The following C10orf71 variants were observed in gnomAD, a reference collection of about 807,000 sequenced individuals.
C10orf71 encodes the protein cardiac-enriched FHL2-interacting protein.
For missense variants in C10orf71, 1,869 were observed against 1,804.5 expected (o/e 1.04, Z -0.65); for synonymous variants, 758 against 726.3 (o/e 1.04, Z -0.70).
intron 1 of C10orf71, among the ~76,000 whole-genome samples, chr10:49,309,938 A>C (rs56377743): frequency 0.047 from 7,110 of 152,302 alleles, 509 homozygotes; most frequent in African/African-American, 0.15. Flanking sequence ...TTCTCTAAGA[A>C]GTGAAAGCAC....
At chr10:49,304,028 C>T (rs1848771638) in intron 1 of C10orf71, among the ~76,000 whole-genome samples, 1 of 152,228 alleles carries the variant, frequency 6.6e-6, no homozygotes, top group Admixed American at 6.5e-5. Context: ...AGGTCCCCTT[C>T]TCCTTATCCC....
chr10:49,301,100 A>C (rs1848721453), intron 1 of C10orf71, among the ~76,000 whole-genome samples: 1 of 152,120 alleles, frequency 6.6e-6, no homozygotes, highest in South Asian at 2.1e-4. Flanking sequence ...TCTCTGCCAG[A>C]AATCTCAAGA....
upstream of C10orf71, among the ~76,000 whole-genome samples, chr10:49,297,955 T>G (rs762373314): frequency 6.6e-6 from 1 of 152,154 alleles, no homozygotes; most frequent in Non-Finnish European, 1.5e-5. Flanking sequence ...AAAAGGCAAG[T>G]CTTGAGGCTC....
chr10:49,323,887 A>T lies in C10orf71; in HGVS notation c.1342A>T (p.Thr448Ser), dbSNP rs779015254. 7 of 1,612,616 alleles carry T rather than the reference A, an allele frequency of 4.3e-6. No homozygotes were observed. The Admixed American group carries it at 5.0e-5, about 12-fold the overall frequency. Reference protein sequence around the residue: ...DPPFNISKLLTPIIPSKHALD... With the variant: ...DPPFNISKLLSPIIPSKHALD... The stretch of plus-strand genomic sequence containing the variant: ...CCCCTTTAACATCAGTAAGCTCCTG[A>T]CCCCCATCATACCCAGCAAGCACGC... The change falls in exon 3 of 3, where the codon ACC becomes TCC. Residue 448 changes from threonine to serine, a missense_variant. Coordinates refer to ENST00000374144, the MANE Select transcript of C10orf71 (RefSeq NM_001135196.2).
chr10:49,325,787 A>G lies in C10orf71; in HGVS notation c.3242A>G (p.Gln1081Arg), dbSNP rs1402708889. The change falls in exon 3 of 3, where the codon CAG becomes CGG. Residue 1081 changes from glutamine to arginine, a missense_variant. Gln to Arg is a conservative substitution (Grantham distance 43, BLOSUM62 1). Transcript: ENST00000374144. The part of the protein sequence containing the change: ...AASNIWEESS[Q>R]APGGPELLPE... ...AGCAACATTTGGGAGGAGTCTTCCC[A>G]GGCCCCTGGAGGACCAGAGCTGCTT... The G allele has an allele frequency of 2.6e-6, 4 of 1,551,456 alleles. No individual in the cohort carries two copies. Among genetic ancestry groups the G allele is most frequent in the Non-Finnish European group, 3.5e-6 (4 of 1,146,890 alleles).
At position 49,325,378 on chromosome 10, in the gene C10orf71, G is replaced by A. The variant is rs1361972233; in HGVS notation, c.2833G>A (p.Ala945Thr). 2 of 1,551,566 alleles carry A rather than the reference G, an allele frequency of 1.3e-6. No individual in the cohort carries two copies. Among genetic ancestry groups the A allele is most frequent in the South Asian group, 2.4e-5 (2 of 84,064 alleles). ...MEDPGQGSSM[A>T]RMEASQPAPK... The stretch of plus-strand genomic sequence containing the variant: ...GGACCCTGGGCAGGGGTCGAGCATG[G>A]CCAGGATGGAGGCCTCTCAGCCAGC... Residue 945 changes from alanine to threonine, a missense_variant, in exon 3 of 3, where the codon GCC becomes ACC. Ala to Thr is a moderately conservative substitution (Grantham distance 58). Transcript: ENST00000374144.
intron 1 of C10orf71, among the ~76,000 whole-genome samples, chr10:49,314,511 A>T (rs759174363): frequency 8.3e-4 from 126 of 152,218 alleles, no homozygotes; most frequent in Admixed American, 1.6e-3. Flanking sequence ...TTTCACTGGC[A>T]TCTGGAAAAT....
At chr10:49,321,335 TTG>T (rs1233652454) in intron 2 of C10orf71, among the ~76,000 whole-genome samples, 1 of 152,202 alleles carries the variant, frequency 6.6e-6, no homozygotes, top group Non-Finnish European at 1.5e-5. Context: ...TGCGACTGGG[TTG>T]TTTCTCTTAA....
At chr10:49,318,590 C>T (rs1277641776) in intron 2 of C10orf71, among the ~76,000 whole-genome samples, 1 of 152,218 alleles carries the variant, frequency 6.6e-6, no homozygotes, top group Non-Finnish European at 1.5e-5. Context: ...TCACAGAAAC[C>T]AGTCAGTCTG....
At chr10:49,311,995 A>C (rs1209928654) in intron 1 of C10orf71, among the ~76,000 whole-genome samples, 1 of 152,234 alleles carries the variant, frequency 6.6e-6, no homozygotes, top group Non-Finnish European at 1.5e-5. Context: ...GTGAGAAAAC[A>C]TTTTGGAAGA....
Position 49,306,577 on chromosome 10 carries a change from G to C in C10orf71, c.-248+7344G>C, listed in dbSNP as rs532306989. On this transcript the variant is annotated intron_variant, in intron 1 of 2. Transcript: ENST00000374144. The stretch of plus-strand genomic sequence containing the variant: ...AGGAAGAGCCTGGTGCTGGGCTAGT[G>C]CTCCCTCCCTGATTCTCTAACAGCA... 6.6e-5 allele frequency among the ~76,000 whole-genome samples: 10 copies of C among 152,352 alleles called. No individual in the cohort carries two copies. In the East Asian group the frequency reaches 1.9e-3, roughly 29 times the overall value.
intron 1 of C10orf71, among the ~76,000 whole-genome samples, chr10:49,313,227 G>A (rs780343433): frequency 2.6e-5 from 4 of 152,232 alleles, no homozygotes; most frequent in African/African-American, 7.2e-5. Context: ...AAAGGGACAT[G>A]TGAACTGGGC....
chr10:49,300,616 C>A (rs1848712223), intron 1 of C10orf71, among the ~76,000 whole-genome samples: 1 of 152,164 alleles, frequency 6.6e-6, no homozygotes, highest in African/African-American at 2.4e-5. Flanking sequence ...GTCCAGTTTG[C>A]TGTCACGGTG....
intron 2 of C10orf71, 34 bp from the exon 3 acceptor site, chr10:49,322,368 C>T (rs1849107961): frequency 1.5e-6 from 1 of 645,940 alleles, no homozygotes; most frequent in Non-Finnish European, 2.5e-6. Flanking sequence ...GAGCTGTATA[C>T]TTTGTTCACG....
In C10orf71 at chr10:49,326,782, G is replaced by A. The variant is rs1456650221; in HGVS notation, c.4237G>A (p.Val1413Ile). 2.8e-5 allele frequency: 44 copies of A among 1,550,566 alleles called. No individual in the cohort carries two copies. In the Admixed American group the frequency reaches 5.3e-4, roughly 19 times the overall value. Residue 1413 changes from valine (V) to isoleucine (I), a missense_variant, in exon 3 of 3, where the codon GTA (valine) becomes ATA (isoleucine). Transcript: ENST00000374144. ...TCCCCAGAGCCCAGGAGAGGAGGGT[G>A]TAGAAGCTCCAGGCCTGGGCATCAT... Reference protein sequence around the residue: ...GPPQSPGEEGVEAPGLGIIST... With the variant: ...GPPQSPGEEGIEAPGLGIIST...
Position 49,326,771 on chromosome 10 carries a change from G to T in C10orf71, c.4226G>T (p.Gly1409Val). ...QRPHGPPQSP[G>V]EEGVEAPGLG... ...CCTCATGGTCCTCCCCAGAGCCCAG[G>T]AGAGGAGGGTGTAGAAGCTCCAGGC... Residue 1409 changes from glycine to valine, a missense_variant, in exon 3 of 3, where the codon GGA becomes GTA. Physicochemically the swap from Gly to Val is moderately radical, Grantham distance 109. Transcript: ENST00000374144. The T allele has an allele frequency of 6.4e-7, 1 of 1,551,102 alleles. No individual in the cohort carries two copies.
chr10:49,325,530 G>C lies in C10orf71; in HGVS notation c.2985G>C (p.Leu995=). The C allele has an allele frequency of 6.4e-7, 1 of 1,551,206 alleles. No individual in the cohort carries two copies. Among genetic ancestry groups the C allele is most frequent in the South Asian group, 1.2e-5 (1 of 84,022 alleles). The change falls in exon 3 of 3, where the codon CTG becomes CTC. Residue 995 remains leucine, a synonymous_variant. Transcript: ENST00000374144. ...CKSGSADSGK[L]AAPWHIPTIA... ...GCGGTTCTGCAGACTCAGGGAAGCT[G>C]GCAGCCCCATGGCACATCCCCACCA...
intron 1 of C10orf71, among the ~76,000 whole-genome samples, chr10:49,310,793 ATGATGATGG>A (rs1340027352): frequency 1.3e-5 from 2 of 151,722 alleles, no homozygotes; most frequent in South Asian, 2.1e-4. Context: ...GATGATGATG[ATGATGATGG>A]TGATGATGAT....
intron 1 of C10orf71, among the ~76,000 whole-genome samples, chr10:49,307,997 C>T (rs1848845495): frequency 6.6e-6 from 1 of 152,194 alleles, no homozygotes; most frequent in African/African-American, 2.4e-5. Flanking sequence ...GTCTGAGCAG[C>T]ACTTGGAAGC....
Sources: allele counts gnomAD v4.1 joint callset (sites outside exome capture counted in the v4.1 genomes callset), GRCh38; gene constraint gnomAD v4.1.1; transcripts MANE v1.5; gene names NCBI Gene and HGNC (gene_info 2026-07-23, HGNC 2026-07-21).